The following SUCLG2 variants were observed in gnomAD, a reference collection of about 807,000 sequenced individuals.
SUCLG2 encodes succinate-CoA ligase GDP-forming subunit beta.
In SUCLG2, 42 loss-of-function variants were observed where a neutral mutation model predicts 47.9. The ratio of observed to expected loss-of-function variants is 0.88; its 90% confidence interval spans 0.69 to 1.14. SUCLG2 has a LOEUF of 1.14. SUCLG2 is among the 50% of genes most tolerant of loss of function. SUCLG2 has a pLI of 0.00. For missense variants in SUCLG2, 571 were observed against 525.9 expected (o/e 1.09, Z -0.84); for synonymous variants, 195 against 197.3 (o/e 0.99, Z 0.10).
chr3:67,605,708 G>A (rs1195391084), intron 2 of SUCLG2, among the ~76,000 whole-genome samples: 4 of 151,984 alleles, frequency 2.6e-5, no homozygotes, highest in Non-Finnish European at 5.9e-5. Context: ...ACACAACCAT[G>A]CATCATTCTC....
chr3:67,507,806 T>C (rs763258141), intron 7 of SUCLG2, among the ~76,000 whole-genome samples: 6 of 152,230 alleles, frequency 3.9e-5, no homozygotes, highest in Non-Finnish European at 8.8e-5. Context: ...TGTAACAAGC[T>C]AGACAACATG....
intron 2 of SUCLG2, among the ~76,000 whole-genome samples, chr3:67,581,771 A>C (rs1707883894): frequency 6.6e-6 from 1 of 152,222 alleles, no homozygotes; most frequent in Admixed American, 6.5e-5. Context: ...TGTGAGCACT[A>C]AAGTACCTAC....
chr3:67,360,744 C>A, exon 11 of SUCLG2: 1 of 1,518,938 alleles, frequency 6.6e-7, no homozygotes, highest in Non-Finnish European at 8.8e-7. Context: ...GTGCATATAA[C>A]TTCCTTTTTT....
chr3:67,639,725 C>A (rs1701067414), intron 1 of SUCLG2, among the ~76,000 whole-genome samples: 1 of 152,158 alleles, frequency 6.6e-6, no homozygotes, highest in African/African-American at 2.4e-5. Flanking sequence ...ATAACACACC[C>A]TTCTCAGCCT....
intron 9 of SUCLG2, among the ~76,000 whole-genome samples, chr3:67,430,314 C>G (rs9843954): frequency 0.081 from 12,351 of 152,228 alleles, 621 homozygotes; most frequent in African/African-American, 0.13. Flanking sequence ...AACCGCTCAA[C>G]TACATGGAAA....
At chr3:67,608,906 G>C (rs1700477358) in intron 2 of SUCLG2, among the ~76,000 whole-genome samples, 1 of 151,946 alleles carries the variant, frequency 6.6e-6, no homozygotes, top group Non-Finnish European at 1.5e-5. Context: ...CAAACTCCTG[G>C]ACTCAAGTGA....
chr3:67,607,763 A>G (rs1199924165), intron 2 of SUCLG2, among the ~76,000 whole-genome samples: 1 of 152,182 alleles, frequency 6.6e-6, no homozygotes, highest in African/African-American at 2.4e-5. Context: ...AGTTTTCCCC[A>G]TACTGTTCTA....
At chr3:67,652,849 T>C (rs550841741) in intron 1 of SUCLG2, among the ~76,000 whole-genome samples, 10 of 152,352 alleles carry the variant, frequency 6.6e-5, no homozygotes, top group South Asian at 6.2e-4. Flanking sequence ...GACTAAATGA[T>C]TGCTAATGTC....
chr3:67,629,853 T>C (rs974257281), intron 1 of SUCLG2, among the ~76,000 whole-genome samples: 2 of 152,218 alleles, frequency 1.3e-5, no homozygotes, highest in African/African-American at 4.8e-5. Context: ...GGGTTTTAGA[T>C]ATGTGCCAGG....
Position 67,475,431 on chromosome 3 carries a change from G to A in SUCLG2, c.1062+20367C>T, listed in dbSNP as rs559087940. On this transcript the variant is annotated intron_variant, in intron 9 of 10. Coordinates refer to ENST00000307227, the MANE Select transcript of SUCLG2 (RefSeq NM_003848.4). ...AAAGGCGAATCTGTCACAATTCTGA[G>A]AGCACATCCCCAAAGAGGCAGGCAC... Among the ~76,000 whole-genome samples the A allele has an allele frequency of 4.2e-4, 64 of 152,290 alleles. 1 individual carries two copies. In the South Asian group the frequency reaches 9.7e-3, roughly 23 times the overall value.
chr3:67,522,970 T>C (rs574861975), intron 4 of SUCLG2, among the ~76,000 whole-genome samples: 1 of 152,070 alleles, frequency 6.6e-6, no homozygotes, highest in African/African-American at 2.4e-5. Flanking sequence ...GGCCTAATTG[T>C]TTTGTATTTT....
At chr3:67,578,403 A>G (rs1387292192) in intron 2 of SUCLG2, among the ~76,000 whole-genome samples, 1 of 151,902 alleles carries the variant, frequency 6.6e-6, no homozygotes, top group Admixed American at 6.6e-5. Context: ...TAATTTTCCA[A>G]TAAGTACTTA....
At chr3:67,598,059 C>G (rs1708335177) in intron 2 of SUCLG2, among the ~76,000 whole-genome samples, 1 of 152,134 alleles carries the variant, frequency 6.6e-6, no homozygotes, top group South Asian at 2.1e-4. Context: ...CAGCTCACTG[C>G]AACCTCTGCC....
intron 9 of SUCLG2, among the ~76,000 whole-genome samples, chr3:67,495,314 T>C (rs1460270082): frequency 6.6e-6 from 1 of 152,118 alleles, no homozygotes; most frequent in Non-Finnish European, 1.5e-5. Context: ...TCCCAAGCCT[T>C]TTACCCAAAA....
chr3:67,471,842 C>T (rs943981008), intron 9 of SUCLG2, among the ~76,000 whole-genome samples: 1 of 152,144 alleles, frequency 6.6e-6, no homozygotes, highest in Non-Finnish European at 1.5e-5. Flanking sequence ...CAAACCACAT[C>T]CATAACTCTC....
chr3:67,564,056 AGAGG>A (rs1330619167), intron 2 of SUCLG2, among the ~76,000 whole-genome samples: 1 of 152,186 alleles, frequency 6.6e-6, no homozygotes, highest in Non-Finnish European at 1.5e-5. Flanking sequence ...GTGAAAGAAT[AGAGG>A]GAGAGGGATA....
At chr3:67,392,823 T>TTC (rs112271847) in intron 10 of SUCLG2, among the ~76,000 whole-genome samples, 1 of 91,318 alleles carries the variant, frequency 1.1e-5, no homozygotes, top group Non-Finnish European at 2.1e-5. Flanking sequence ...GTCACTGTAC[T>TTC]TTTTTTTTTG....
intron 9 of SUCLG2, among the ~76,000 whole-genome samples, chr3:67,431,899 A>T (rs923551930): frequency 6.6e-6 from 1 of 152,220 alleles, no homozygotes; most frequent in Non-Finnish European, 1.5e-5. Flanking sequence ...ATAATAAAAG[A>T]AAACCTAAGT....
intron 7 of SUCLG2, among the ~76,000 whole-genome samples, chr3:67,506,059 G>T (rs919882839): frequency 5.9e-5 from 9 of 152,156 alleles, no homozygotes; most frequent in Non-Finnish European, 1.2e-4. Flanking sequence ...TAAATTTAAA[G>T]AATAATTATT....
Sources: allele counts gnomAD v4.1 joint callset (sites outside exome capture counted in the v4.1 genomes callset), GRCh38; gene constraint gnomAD v4.1.1; transcripts MANE v1.5; gene names NCBI Gene and HGNC (gene_info 2026-07-23, HGNC 2026-07-21).